The following TBX5 variants were observed in gnomAD, a reference collection of about 807,000 sequenced individuals.
TBX5 encodes the protein T-box transcription factor 5, also known as T-box transcription factor TBX5.
A neutral mutation model predicts 51.1 loss-of-function variants in TBX5; 8 were observed. The ratio of observed to expected loss-of-function variants is 0.16; its 90% CI spans 0.09 to 0.28. The LOEUF (loss-of-function observed/expected upper bound fraction) is 0.28, where lower values mean the gene tolerates loss of function less well. TBX5 is among the 10% of genes least tolerant of loss of function. TBX5 has a pLI of 1.00. For missense variants in TBX5, 589 were observed against 671.7 expected, an observed-to-expected ratio of 0.88 and a Z score of 1.36; for synonymous variants, 302 against 266.4, an observed-to-expected ratio of 1.13 and a Z score of -1.30.
intron 6 of TBX5, among the ~76,000 whole-genome samples, chr12:114,392,106 T>C (rs1003472313): frequency 2.0e-5 from 3 of 149,736 alleles, no homozygotes; most frequent in Non-Finnish European, 4.4e-5. Flanking sequence ...TACGCATATA[T>C]CCAAATGCGT....
chr12:114,370,341 AAAAGAAAAG>A (rs751347976), intron 7 of TBX5, among the ~76,000 whole-genome samples: 12 of 149,242 alleles, frequency 8.0e-5, no homozygotes, highest in African/African-American at 2.3e-4. Flanking sequence ...GAGAAAAGAA[AAAAGAAAAG>A]AAAGAAAAGA....
intron 7 of TBX5, among the ~76,000 whole-genome samples, chr12:114,377,713 C>T (rs980829433): frequency 2.0e-5 from 3 of 151,988 alleles, no homozygotes; most frequent in Admixed American, 2.0e-4. Context: ...GCCACCACAC[C>T]TAGCGACTTT....
chr12:114,377,744 T>C (rs1039030644), intron 7 of TBX5, among the ~76,000 whole-genome samples: 5 of 151,988 alleles, frequency 3.3e-5, no homozygotes, highest in Non-Finnish European at 7.4e-5. Context: ...TCATATATTG[T>C]GAGTCTTTCA....
intron 7 of TBX5, among the ~76,000 whole-genome samples, chr12:114,369,230 G>A (rs1895582): frequency 0.7 from 106,175 of 151,994 alleles, 37,563 homozygotes; most frequent in East Asian, 0.78. Flanking sequence ...GGCTGAGAGA[G>A]TTTACAAGAG....
rs76633287 is a variant in TBX5 at position 114,355,439 on chromosome 12, G to A, written c.*93C>T. 1 of 1,479,668 alleles carries A rather than the reference G, an allele frequency of 6.8e-7. No individual in the cohort carries two copies. The highest frequency in any genetic ancestry group is 9.3e-7 in the Non-Finnish European group (1 of 1,078,730). The allele number at this position is 1,479,668 out of a possible 1,614,324, so 91.7% of individuals were successfully genotyped here. A position where few individuals can be genotyped will look rare whatever the true frequency, so the allele number is the denominator to read the frequency against. ...GGTGAAATGAAAAATCTTGTCCGTG[G>A]GGTTCTCTTGGCTACTGTCTCTCTC... On this transcript the variant is annotated 3_prime_UTR_variant, in exon 9 of 9. Transcript: ENST00000405440.
chr12:114,364,216 T>C (rs769261722), intron 8 of TBX5, among the ~76,000 whole-genome samples: 1 of 152,212 alleles, frequency 6.6e-6, no homozygotes, highest in African/African-American at 2.4e-5. Context: ...CCATTCCCAT[T>C]GGTTGTTAGC....
rs184361041 is a variant in TBX5, at chr12:114,383,348, C to T, written c.755+2128G>A. 1.1e-4 allele frequency among the ~76,000 whole-genome samples: 17 copies of T among 152,100 alleles called. No individual in the cohort carries two copies. The East Asian group carries it at 3.3e-3, about 29-fold the overall frequency. On this transcript the variant is annotated intron_variant, in intron 7 of 8. Coordinates refer to ENST00000405440, the MANE Select transcript of TBX5 (RefSeq NM_181486.4). ...ACAGACGAAATGTGTGTTCGAAGGG[C>T]CAAAAATAAAGGAAAGAACACAGGT...
intron 6 of TBX5, among the ~76,000 whole-genome samples, chr12:114,392,244 T>G (rs1871193280): frequency 6.7e-6 from 1 of 150,184 alleles, no homozygotes; most frequent in African/African-American, 2.5e-5. Context: ...TTCATGCACA[T>G]CAATCACTAA....
chr12:114,401,684 C>T, intron 3 of TBX5, 142 bp downstream of exon 3: 3 of 725,070 alleles, frequency 4.1e-6, no homozygotes, highest in South Asian at 3.1e-5. Flanking sequence ...TCTCTCTCTC[C>T]TCTCCTCTCC....
At chr12:114,381,579 C>A (rs922966663) in intron 7 of TBX5, among the ~76,000 whole-genome samples, 1 of 152,152 alleles carries the variant, frequency 6.6e-6, no homozygotes, top group Non-Finnish European at 1.5e-5. Context: ...TAGGCATTTG[C>A]TCATATAATT....
At chr12:114,356,990 CGATGGATGGATGGATGGATG>C (rs60572224) in intron 8 of TBX5, among the ~76,000 whole-genome samples, 1 of 143,202 alleles carries the variant, frequency 7.0e-6, no homozygotes, top group South Asian at 2.4e-4. Flanking sequence ...AATATTTGTA[CGATGGATGGATGGATGGATG>C]GATGGATGGA....
intron 7 of TBX5, among the ~76,000 whole-genome samples, chr12:114,382,525 G>A (rs1165129617): frequency 7.9e-5 from 12 of 151,898 alleles, no homozygotes; most frequent in South Asian, 6.2e-4. Context: ...TAGGCTAGGC[G>A]TGGTGGCTCA....
rs1485362316 is a variant in TBX5 at position 114,366,249 on chromosome 12, G to A, written c.898C>T (p.Pro300Ser). The change falls in exon 8 of 9, where the codon CCC becomes TCC. Residue 300 changes from proline to serine, a missense_variant. Coordinates refer to ENST00000405440, the MANE Select transcript of TBX5 (RefSeq NM_181486.4). ...GGTGGAGGCAGGAGGTCCTGGGAGG[G>A]GCCGGAAACACCATTCTCACACTGG... is the stretch of plus-strand genomic sequence containing the variant. ...QYQCENGVSG[P>S]SQDLLPPPNP... 3.1e-6 allele frequency: 5 copies of A among 1,614,024 alleles called. No individual in the cohort carries two copies. The highest frequency in any genetic ancestry group is 3.4e-6 in the Non-Finnish European group (4 of 1,180,004).
At chr12:114,361,847 G>A (rs1055222343) in intron 8 of TBX5, among the ~76,000 whole-genome samples, 19 of 152,278 alleles carry the variant, frequency 1.2e-4, no homozygotes, top group South Asian at 4.1e-4. Context: ...GAGAGCCCTC[G>A]GTTGGAATGT....
intron 2 of TBX5, among the ~76,000 whole-genome samples, chr12:114,403,333 C>T (rs1415777512): frequency 6.6e-6 from 1 of 152,204 alleles, no homozygotes; most frequent in Non-Finnish European, 1.5e-5. Context: ...GAAGAGGGGT[C>T]AAGCCATCGC....
At chr12:114,372,787 G>A (rs558228533) in intron 7 of TBX5, among the ~76,000 whole-genome samples, 6 of 152,126 alleles carry the variant, frequency 3.9e-5, no homozygotes, top group Admixed American at 2.6e-4. Context: ...TCAAGCTCAG[G>A]CTCCGATGTC....
upstream of TBX5, chr12:114,407,206 C>T (rs1872283281): frequency 2.8e-6 from 2 of 702,616 alleles, no homozygotes; most frequent in Non-Finnish European, 1.7e-6. Flanking sequence ...TGTGGGGCAA[C>T]CGGGGAGAAA....
At chr12:114,357,012 A>T (rs1018529957) in intron 8 of TBX5, among the ~76,000 whole-genome samples, 1 of 152,046 alleles carries the variant, frequency 6.6e-6, no homozygotes, top group Non-Finnish European at 1.5e-5. Context: ...GGATGGATGG[A>T]TGGATGGATG....
chr12:114,356,085 T>C lies in TBX5; in HGVS notation c.1004A>G (p.Asp335Gly), dbSNP rs776297033. 1 of 1,612,568 alleles carries C rather than the reference T, an allele frequency of 6.2e-7. No individual in the cohort carries two copies. The highest frequency in any genetic ancestry group is 8.5e-7 in the Non-Finnish European group (1 of 1,180,014). The change falls in exon 9 of 9, where the codon GAC becomes GGC. Residue 335 changes from aspartate (D) to glycine (G), a missense_variant. Asp to Gly is a moderately conservative substitution (Grantham distance 94, BLOSUM62 -1). This residue lies in a region of TBX5 where 348 missense variants were observed against 360.4 expected (regional missense o/e 0.97). Transcript: ENST00000405440. ...KRKEEECSTT[D>G]HPYKKPYMET... ...CATGTAGGGCTTCTTATAGGGATGG[T>C]CTGTGGTGGAACATTCTTCCTCTGT...
Sources: allele counts gnomAD v4.1 joint callset (sites outside exome capture counted in the v4.1 genomes callset), GRCh38; gene constraint gnomAD v4.1.1; regional missense constraint gnomAD v4.1.1; transcripts MANE v1.5; gene names NCBI Gene and HGNC (gene_info 2026-07-23, HGNC 2026-07-21).